DSCAML1: variants seen among roughly 807,000 people sequenced by gnomAD.
The protein encoded by DSCAML1 is DS cell adhesion molecule like 1, also known as cell adhesion molecule DSCAML1.
In DSCAML1, 38 loss-of-function variants were observed where a neutral mutation model predicts 200.5. The observed-to-expected ratio is 0.19, with a 90% confidence interval of 0.15 to 0.25. The LOEUF (loss-of-function observed/expected upper bound fraction) is 0.25, where lower values mean the gene tolerates loss of function less well. Among genes scored for constraint, DSCAML1 ranks in the 10% least tolerant of loss-of-function variants. DSCAML1 has a pLI of 1.00. For missense variants in DSCAML1, 2,223 were observed against 2,858.8 expected (o/e 0.78, Z 5.07); for synonymous variants, 1,215 against 1,165.0 (o/e 1.04, Z -0.87).
At chr11:117,533,985 T>C (rs1173782739) in intron 3 of DSCAML1, among the ~76,000 whole-genome samples, 1 of 152,170 alleles carries the variant, frequency 6.6e-6, no homozygotes, top group East Asian at 1.9e-4. Flanking sequence ...ATCAGGATAC[T>C]GATAGTGACT....
chr11:117,608,774 C>A (rs1460500378), intron 3 of DSCAML1, among the ~76,000 whole-genome samples: 1 of 152,194 alleles, frequency 6.6e-6, no homozygotes, highest in Non-Finnish European at 1.5e-5. Flanking sequence ...ATTCTTCAGG[C>A]TCTTTGTTGA....
intron 17 of DSCAML1, among the ~76,000 whole-genome samples, chr11:117,462,035 C>T (rs566393828): frequency 3.3e-5 from 5 of 152,186 alleles, no homozygotes; most frequent in African/African-American, 1.2e-4. Flanking sequence ...GGCTGCCAGC[C>T]CCTCTGTGTC....
At chr11:117,496,227 C>G (rs1446452173) in intron 11 of DSCAML1, among the ~76,000 whole-genome samples, 2 of 152,200 alleles carry the variant, frequency 1.3e-5, no homozygotes, top group Admixed American at 6.5e-5. Flanking sequence ...CCTAACGAGT[C>G]TGTATGTTCC....
chr11:117,568,574 C>T (rs1007157590), intron 3 of DSCAML1, among the ~76,000 whole-genome samples: 11 of 151,164 alleles, frequency 7.3e-5, no homozygotes, highest in African/African-American at 2.7e-4. Flanking sequence ...TTCTTATACA[C>T]CAACAACAGA....
At chr11:117,719,665 A>C (rs1193296342) in intron 3 of DSCAML1, among the ~76,000 whole-genome samples, 1 of 152,196 alleles carries the variant, frequency 6.6e-6, no homozygotes, top group Non-Finnish European at 1.5e-5. Context: ...AGATGACAAA[A>C]CTAAGTCCAG....
At chr11:117,470,133 C>G (rs747440898) in intron 15 of DSCAML1, among the ~76,000 whole-genome samples, 153 bp from the exon 16 acceptor site, 4 of 152,110 alleles carry the variant, frequency 2.6e-5, no homozygotes, top group Non-Finnish European at 4.4e-5. Flanking sequence ...GTTTGAGTTC[C>G]CCTGAAAGTA....
intron 32 of DSCAML1, among the ~76,000 whole-genome samples, chr11:117,429,493 TC>T (rs35914884): frequency 0.44 from 66,449 of 152,076 alleles, 14,991 homozygotes; most frequent in Non-Finnish European, 0.5. Context: ...AACCTCCGCT[TC>T]CCGAGTAGCT....
chr11:117,523,779 C>G (rs1478041327), intron 5 of DSCAML1, among the ~76,000 whole-genome samples: 1 of 152,160 alleles, frequency 6.6e-6, no homozygotes, highest in Non-Finnish European at 1.5e-5. Context: ...TTTGGTCAAC[C>G]AGGATGAGAG....
chr11:117,704,912 G>A (rs2053732487), intron 3 of DSCAML1, among the ~76,000 whole-genome samples: 2 of 152,168 alleles, frequency 1.3e-5, no homozygotes, highest in Admixed American at 6.5e-5. Flanking sequence ...CACTGGAAAA[G>A]CATTTCCATT....
intron 19 of DSCAML1, among the ~76,000 whole-genome samples, chr11:117,453,614 C>A (rs1232175551): frequency 6.6e-6 from 1 of 152,100 alleles, no homozygotes; most frequent in Admixed American, 6.6e-5. Context: ...GACAAGTTAG[C>A]CACAATCTTA....
intron 3 of DSCAML1, among the ~76,000 whole-genome samples, chr11:117,605,199 C>T (rs1159976537): frequency 1.3e-5 from 2 of 152,026 alleles, no homozygotes; most frequent in Non-Finnish European, 2.9e-5. Context: ...CGGCTGCTCC[C>T]GGGTTTTAGA....
intron 3 of DSCAML1, among the ~76,000 whole-genome samples, chr11:117,691,956 G>C (rs2053502274): frequency 6.6e-6 from 1 of 152,098 alleles, no homozygotes; most frequent in African/African-American, 2.4e-5. Flanking sequence ...ACTCTGAAAT[G>C]ACTTTTTTTT....
At chr11:117,570,083 A>G (rs567672970) in intron 3 of DSCAML1, among the ~76,000 whole-genome samples, 2 of 150,884 alleles carry the variant, frequency 1.3e-5, no homozygotes, top group South Asian at 4.2e-4. Context: ...GAACGTGTTG[A>G]GCATGTGGGA....
chr11:117,649,020 GCTCT>G (rs1255538986), intron 3 of DSCAML1, among the ~76,000 whole-genome samples: 1 of 135,682 alleles, frequency 7.4e-6, no homozygotes, highest in Non-Finnish European at 1.6e-5. Flanking sequence ...TCTCCCTCTC[GCTCT>G]CTCTCTCTCC....
intron 3 of DSCAML1, among the ~76,000 whole-genome samples, chr11:117,571,313 C>T (rs2050844399): frequency 6.6e-6 from 1 of 152,172 alleles, no homozygotes; most frequent in Non-Finnish European, 1.5e-5. Flanking sequence ...GTCACTCTTA[C>T]CCATCCTAGA....
intron 1 of DSCAML1, among the ~76,000 whole-genome samples, chr11:117,784,032 C>G (rs1270480447): frequency 6.6e-6 from 1 of 152,212 alleles, no homozygotes; most frequent in East Asian, 1.9e-4. Flanking sequence ...CCAGCAACTA[C>G]AAATGGGTAG....
intron 3 of DSCAML1, among the ~76,000 whole-genome samples, chr11:117,702,589 G>A (rs1300106923): frequency 6.6e-6 from 1 of 151,954 alleles, no homozygotes; most frequent in Non-Finnish European, 1.5e-5. Flanking sequence ...CCCTGAAAAT[G>A]AGGACTATGT....
Position 117,675,517 on chromosome 11 carries a change from A to G in DSCAML1, c.511+101274T>C, listed in dbSNP as rs189151752. On this transcript the variant is annotated intron_variant, in intron 3 of 32. Coordinates refer to ENST00000651296, the MANE Select transcript of DSCAML1 (RefSeq NM_020693.4). ...TTTTTTTTAGAGACAGGGTCTCACC[A>G]TGTTTCCCAGGTTGATCTTAAACTT... Among the ~76,000 whole-genome samples, 493 of 117,694 alleles carry G rather than the reference A, an allele frequency of 4.2e-3. 1 individual carries two copies. The highest frequency in any genetic ancestry group is 5.9e-3 in the Admixed American group (55 of 9,338). 77.2% of individuals were successfully genotyped at this position (117,694 alleles called of 152,430 possible). A position where few individuals can be genotyped will look rare whatever the true frequency, so the allele number is the denominator to read the frequency against.
At chr11:117,508,109 G>A (rs77332794) in intron 8 of DSCAML1, among the ~76,000 whole-genome samples, 3,632 of 152,176 alleles carry the variant, frequency 0.024, 51 homozygotes, top group Middle Eastern at 0.041. Flanking sequence ...CAGATGTGCC[G>A]CCCAGTTTGT....
Sources: gnomAD v4.1 joint callset for allele counts (sites outside exome capture counted in the v4.1 genomes callset) on GRCh38, gnomAD v4.1.1 for gene constraint, MANE v1.5 for transcripts, NCBI Gene and HGNC (gene_info 2026-07-23, HGNC 2026-07-21) for gene names.